NCAM1: variants seen among roughly 807,000 people sequenced by gnomAD.
NCAM1 encodes antigen recognized by monoclonal antibody 5.1H11.
A neutral mutation model predicts 109.8 loss-of-function variants in NCAM1; 14 were observed. That is an observed-to-expected ratio of 0.13 (90% CI 0.08 to 0.20). The LOEUF (loss-of-function observed/expected upper bound fraction) is 0.20. Among genes scored for constraint, NCAM1 ranks in the 10% least tolerant of loss-of-function variants. The probability of loss-of-function intolerance (pLI) is 1.00; values close to 1 mark genes in which losing one functional copy is unlikely to be tolerated. For synonymous variants in NCAM1, 418 were observed against 442.9 expected (o/e 0.94, Z 0.70); for missense variants, 774 against 1,109.9 (o/e 0.70, Z 4.30).
At chr11:113,201,497 A>G (rs542306043) in intron 1 of NCAM1, among the ~76,000 whole-genome samples, 10 of 152,224 alleles carry the variant, frequency 6.6e-5, no homozygotes, top group Non-Finnish European at 1.5e-4. Context: ...AGTTGAATTC[A>G]AAGGAATAAA....
At chr11:113,145,999 C>T (rs547693908) in intron 1 of NCAM1, among the ~76,000 whole-genome samples, 15 of 152,246 alleles carry the variant, frequency 9.9e-5, no homozygotes, top group Admixed American at 2.6e-4. Context: ...TCTGGCTTAA[C>T]GATGCCATAA....
chr11:113,057,941 G>A (rs1262074386), intron 1 of NCAM1, among the ~76,000 whole-genome samples: 4 of 152,124 alleles, frequency 2.6e-5, no homozygotes, highest in African/African-American at 9.7e-5. Context: ...TTCCTTGATT[G>A]GAGCTATGGG....
At chr11:113,080,578 A>T (rs1938762882) in intron 1 of NCAM1, among the ~76,000 whole-genome samples, 1 of 152,094 alleles carries the variant, frequency 6.6e-6, no homozygotes, top group Non-Finnish European at 1.5e-5. Context: ...TGGGCATCTA[A>T]TTGGTGATCA....
intron 1 of NCAM1, among the ~76,000 whole-genome samples, chr11:113,104,654 G>C (rs1200592952): frequency 6.6e-6 from 1 of 152,074 alleles, no homozygotes; most frequent in Non-Finnish European, 1.5e-5. Flanking sequence ...ACCACCTCTG[G>C]TAATTTGAAC....
chr11:113,098,718 C>A lies in NCAM1; in HGVS notation c.53-103661C>A, dbSNP rs574572998. On this transcript the variant is annotated intron_variant, in intron 1 of 19. Coordinates refer to ENST00000316851, the MANE Select transcript of NCAM1 (RefSeq NM_181351.5). ...AATCTGAAACTAGAAGAATGACCAT[C>A]ATGTGAAGAACTGGAGTAGAGCAAA... Among the ~76,000 whole-genome samples, 168 of 152,286 alleles carry A rather than the reference C, an allele frequency of 1.1e-3. 1 individual carries two copies. Among genetic ancestry groups the A allele is most frequent in the South Asian group, 8.9e-3 (43 of 4,822 alleles).
chr11:113,270,540 T>A (rs782483780), intron 18 of NCAM1, 145 bp downstream of exon 18: 26 of 744,610 alleles, frequency 3.5e-5, no homozygotes, highest in Middle Eastern at 4.8e-4. Context: ...GGAAAAACAT[T>A]AGAGAAAAGT....
At position 113,276,835 on chromosome 11, in the gene NCAM1, A is replaced by AGGGGGG. The variant is rs201011708; in HGVS notation, c.*1451_*1456dup. On this transcript the variant is annotated 3_prime_UTR_variant, in exon 20 of 20. Transcript: ENST00000316851. ...ATACAGAAACTTTAAGGGGGATGGG[A>AGGGGGG]GGGGGGGGAGAAGGGAAAAGCCAGC... is the stretch of plus-strand genomic sequence containing the variant. 1 of 54,080 alleles carries AGGGGGG rather than the reference A, an allele frequency of 1.8e-5. No homozygotes were observed. Among genetic ancestry groups the AGGGGGG allele is most frequent in the African/African-American group, 7.2e-5 (1 of 13,982 alleles). 3.4% of individuals were successfully genotyped at this position (54,080 alleles called of 1,614,324 possible).
chr11:113,214,297 G>A (rs1944465689), intron 7 of NCAM1, 72 bp from the exon 8 acceptor site: 2 of 1,514,854 alleles, frequency 1.3e-6, no homozygotes, highest in Non-Finnish European at 1.8e-6. Flanking sequence ...TTGTTGGATA[G>A]GTGCATGCCA....
chr11:113,005,173 C>T (rs1951862537), intron 1 of NCAM1, among the ~76,000 whole-genome samples: 1 of 152,024 alleles, frequency 6.6e-6, no homozygotes, highest in Non-Finnish European at 1.5e-5. Context: ...CCTTTCTTCT[C>T]TTAGTAGAAG....
At chr11:113,076,539 T>A (rs1287897435) in intron 1 of NCAM1, among the ~76,000 whole-genome samples, 1 of 152,226 alleles carries the variant, frequency 6.6e-6, no homozygotes, top group Non-Finnish European at 1.5e-5. Context: ...AAAAACATGG[T>A]TAGAATCTGC....
At chr11:113,182,979 T>A (rs534598467) in intron 1 of NCAM1, among the ~76,000 whole-genome samples, 24 of 152,166 alleles carry the variant, frequency 1.6e-4, no homozygotes, top group African/African-American at 5.5e-4. Flanking sequence ...AATGAGAAAA[T>A]TGGGAAACTC....
intron 1 of NCAM1, among the ~76,000 whole-genome samples, chr11:113,051,314 T>G (rs1365748981): frequency 6.6e-6 from 1 of 152,208 alleles, no homozygotes; most frequent in African/African-American, 2.4e-5. Flanking sequence ...CCCCTTTTGG[T>G]GGGAGAGTTT....
rs143388665 is a variant in NCAM1 at position 113,087,651 on chromosome 11, G to A, written c.53-114728G>A. On this transcript the variant is annotated intron_variant, in intron 1 of 19. Transcript: ENST00000316851. ...AGGAGCTGTTGAACTTGACAGCCTC[G>A]ATAGAGGGTGAGTATGAGGCATGAA... 3.9e-4 allele frequency among the ~76,000 whole-genome samples: 60 copies of A among 152,294 alleles called. 1 individual carries two copies. The East Asian group carries it at 7.7e-3, about 20-fold the overall frequency.
intron 8 of NCAM1, among the ~76,000 whole-genome samples, chr11:113,220,600 CTCTT>C (rs1317803770): frequency 2.9e-5 from 3 of 102,376 alleles, no homozygotes; most frequent in Admixed American, 9.5e-5. Flanking sequence ...CTCTCTCTCT[CTCTT>C]TTTTTTTTTT....
intron 1 of NCAM1, among the ~76,000 whole-genome samples, chr11:112,997,971 C>A (rs1555071711): frequency 6.6e-6 from 1 of 152,128 alleles, no homozygotes; most frequent in Non-Finnish European, 1.5e-5. Context: ...GGTTGGCCTG[C>A]CTAACCTTAG....
chr11:113,247,515 T>G (rs541699284), intron 15 of NCAM1, among the ~76,000 whole-genome samples: 7 of 152,318 alleles, frequency 4.6e-5, no homozygotes, highest in African/African-American at 1.7e-4. Flanking sequence ...GTGTTAGCCC[T>G]GTGTACCTTC....
At chr11:113,110,114 G>A (rs1555093360) in intron 1 of NCAM1, among the ~76,000 whole-genome samples, 15 of 152,082 alleles carry the variant, frequency 9.9e-5, no homozygotes. Flanking sequence ...AAGATGGCAG[G>A]CATATTTTTA....
intron 1 of NCAM1, among the ~76,000 whole-genome samples, chr11:113,174,463 A>G (rs1555106728): frequency 6.6e-6 from 1 of 152,206 alleles, no homozygotes; most frequent in Non-Finnish European, 1.5e-5. Context: ...AAAAATCTGC[A>G]ACAGTGATTT....
intron 10 of NCAM1, 127 bp downstream of exon 10, chr11:113,231,922 C>T: frequency 7.6e-7 from 1 of 1,312,142 alleles, no homozygotes; most frequent in South Asian, 1.3e-5. Flanking sequence ...GCAGCTGACC[C>T]TGGGCTATTT....
Sources: gnomAD v4.1 joint callset for allele counts (sites outside exome capture counted in the v4.1 genomes callset) on GRCh38, gnomAD v4.1.1 for gene constraint, MANE v1.5 for transcripts, NCBI Gene and HGNC (gene_info 2026-07-23, HGNC 2026-07-21) for gene names.